The following CNTN5 variants were observed in gnomAD, a reference collection of about 807,000 sequenced individuals.
CNTN5 encodes the protein contactin 5.
CNTN5 carries 77 observed loss-of-function variants against 129.1 expected under a neutral mutation model. The observed-to-expected ratio is 0.60, with a 90% CI of 0.50 to 0.72. The LOEUF is 0.72. Ranked by LOEUF, CNTN5 falls within the 30% of genes least tolerant of loss-of-function variation. The pLI is 0.00. For missense variants in CNTN5, 1,478 were observed against 1,328.8 expected (o/e 1.11, Z -1.75); for synonymous variants, 509 against 465.6 (o/e 1.09, Z -1.20).
intron 13 of CNTN5, among the ~76,000 whole-genome samples, chr11:100,133,892 T>G (rs1459989810): frequency 2.6e-5 from 4 of 152,152 alleles, no homozygotes; most frequent in African/African-American, 9.7e-5. Context: ...CAAATTCAAT[T>G]TATAATGTCA....
chr11:99,769,944 G>C (rs944171715), intron 3 of CNTN5, among the ~76,000 whole-genome samples: 1 of 152,230 alleles, frequency 6.6e-6, no homozygotes, highest in East Asian at 1.9e-4. Context: ...GTTAAGTCTG[G>C]AATGTATGTA....
intron 20 of CNTN5, among the ~76,000 whole-genome samples, chr11:100,302,292 G>T (rs892125798): frequency 2.6e-5 from 4 of 151,492 alleles, no homozygotes; most frequent in African/African-American, 9.7e-5. Context: ...GCCAGTGCAG[G>T]TTTCTCCCCT....
chr11:99,873,978 G>T (rs971300854), intron 6 of CNTN5, among the ~76,000 whole-genome samples: 1 of 152,010 alleles, frequency 6.6e-6, no homozygotes, highest in Non-Finnish European at 1.5e-5. Context: ...ATCAAATATT[G>T]CACATTCTCA....
intron 20 of CNTN5, among the ~76,000 whole-genome samples, chr11:100,299,969 CGT>C (rs886375161): frequency 6.6e-6 from 1 of 151,386 alleles, no homozygotes; most frequent in Admixed American, 6.6e-5. Flanking sequence ...AGTTAAAGAA[CGT>C]GCTAAAGGTT....
At chr11:99,788,005 A>C (rs1411842444) in intron 3 of CNTN5, among the ~76,000 whole-genome samples, 1 of 151,926 alleles carries the variant, frequency 6.6e-6, no homozygotes, top group Non-Finnish European at 1.5e-5. Flanking sequence ...GCATTTACTA[A>C]AATCCTAACA....
intron 3 of CNTN5, among the ~76,000 whole-genome samples, chr11:99,819,313 T>TTCTCCCCTCC (rs1565566879): frequency 1.7e-4 from 3 of 18,072 alleles, no homozygotes; most frequent in Non-Finnish European, 3.2e-4. Context: ...CCCTCCCCTC[T>TTCTCCCCTCC]CCTCCCCTCC....
At chr11:99,178,011 CAG>C (rs1857861848) in intron 1 of CNTN5, among the ~76,000 whole-genome samples, 1 of 151,688 alleles carries the variant, frequency 6.6e-6, no homozygotes, top group African/African-American at 2.4e-5. Flanking sequence ...GGAGAAAAAT[CAG>C]AGAATCTTGA....
chr11:100,131,219 T>G (rs2138208839), intron 13 of CNTN5, among the ~76,000 whole-genome samples: 1 of 152,172 alleles, frequency 6.6e-6, no homozygotes, highest in South Asian at 2.1e-4. Context: ...ATTAAAAGGC[T>G]ATTTTAGTGT....
At chr11:99,807,467 A>C (rs1374588974) in intron 3 of CNTN5, among the ~76,000 whole-genome samples, 1 of 152,188 alleles carries the variant, frequency 6.6e-6, no homozygotes, top group Non-Finnish European at 1.5e-5. Flanking sequence ...TAATTAATTA[A>C]ATGCTTCTGA....
At chr11:99,823,993 A>T (rs1480575806) in intron 4 of CNTN5, among the ~76,000 whole-genome samples, 1 of 152,062 alleles carries the variant, frequency 6.6e-6, no homozygotes, top group Non-Finnish European at 1.5e-5. Context: ...TGGTATCTTC[A>T]GTTCTAAGTT....
At chr11:100,035,203 G>T (rs550392428) in intron 9 of CNTN5, among the ~76,000 whole-genome samples, 2 of 89,216 alleles carry the variant, frequency 2.2e-5, no homozygotes, top group African/African-American at 1.2e-4. Context: ...TCCCACCTAT[G>T]AGTGAGAACA....
chr11:99,974,498 T>C (rs1937802247), intron 8 of CNTN5, among the ~76,000 whole-genome samples: 1 of 152,214 alleles, frequency 6.6e-6, no homozygotes, highest in Admixed American at 6.5e-5. Flanking sequence ...TTAGAGATGA[T>C]CCTTACAGAA....
At chr11:99,753,816 TG>T (rs1324349987) in intron 3 of CNTN5, among the ~76,000 whole-genome samples, 1 of 150,318 alleles carries the variant, frequency 6.7e-6, no homozygotes, top group Non-Finnish European at 1.5e-5. Context: ...GCCTCCCAAG[TG>T]GCTGGGATTA....
At chr11:99,837,673 C>T (rs192366763) in intron 4 of CNTN5, among the ~76,000 whole-genome samples, 1 of 138,406 alleles carries the variant, frequency 7.2e-6, no homozygotes, top group Non-Finnish European at 1.6e-5. Context: ...CCAGTACTTG[C>T]CACACATGAG....
At chr11:100,030,614 G>A (rs888357378) in intron 9 of CNTN5, among the ~76,000 whole-genome samples, 2 of 152,156 alleles carry the variant, frequency 1.3e-5, no homozygotes, top group African/African-American at 4.8e-5. Context: ...TGTATACCCT[G>A]TAGAACAAAA....
At chr11:99,472,147 C>A (rs1945201380) in intron 2 of CNTN5, among the ~76,000 whole-genome samples, 1 of 152,066 alleles carries the variant, frequency 6.6e-6, no homozygotes. Flanking sequence ...CCCTGCAAGT[C>A]TCCATCGAGG....
At chr11:99,114,327 C>T (rs1857938556) in intron 1 of CNTN5, among the ~76,000 whole-genome samples, 1 of 152,012 alleles carries the variant, frequency 6.6e-6, no homozygotes, top group African/African-American at 2.4e-5. Flanking sequence ...AGTGGAGAAA[C>T]TCTCGTAGTA....
intron 1 of CNTN5, among the ~76,000 whole-genome samples, chr11:99,090,805 G>A (rs545128960): frequency 2.7e-5 from 4 of 150,720 alleles, no homozygotes; most frequent in African/African-American, 9.7e-5. Flanking sequence ...GGCGGATCAC[G>A]AGGTCAGGAG....
At chr11:99,361,895 G>A (rs1333368936) in intron 2 of CNTN5, among the ~76,000 whole-genome samples, 1 of 152,042 alleles carries the variant, frequency 6.6e-6, no homozygotes, top group East Asian at 1.9e-4. Context: ...TCCAATGAAG[G>A]ACATTTGTCT....
Sources: allele counts gnomAD v4.1 joint callset (sites outside exome capture counted in the v4.1 genomes callset), GRCh38; gene constraint gnomAD v4.1.1; transcripts MANE v1.5; gene names NCBI Gene and HGNC (gene_info 2026-07-23, HGNC 2026-07-21).